The following GALNT14 variants were observed in gnomAD, a reference collection of about 807,000 sequenced individuals.
The protein encoded by GALNT14 is UDP-GalNAc:polypeptide N-acetylgalactosaminyltransferase 14.
A neutral mutation model predicts 77.5 loss-of-function variants in GALNT14; 60 were observed. The ratio of observed to expected loss-of-function variants is 0.77; its 90% CI spans 0.63 to 0.96. The LOEUF (loss-of-function observed/expected upper bound fraction) is 0.96, where lower values mean the gene tolerates loss of function less well. GALNT14 is among the 40% of genes least tolerant of loss of function. GALNT14 has a pLI of 0.00. For missense variants in GALNT14, 710 were observed against 731.0 expected, an observed-to-expected ratio of 0.97 and a Z score of 0.33; for synonymous variants, 280 against 281.7, an observed-to-expected ratio of 0.99 and a Z score of 0.06.
intron 2 of GALNT14, among the ~76,000 whole-genome samples, chr2:30,986,080 G>T (rs1330437957): frequency 6.6e-6 from 1 of 152,204 alleles, no homozygotes; most frequent in Non-Finnish European, 1.5e-5. Context: ...AGGAAAAGGA[G>T]CCAAGGAAAA....
chr2:31,005,266 G>T (rs537773436), intron 1 of GALNT14, among the ~76,000 whole-genome samples: 1 of 152,322 alleles, frequency 6.6e-6, no homozygotes, highest in African/African-American at 2.4e-5. Context: ...CTTCTGTGTT[G>T]TGTGTGTGGG....
chr2:30,904,625 G>T, the GALNT14 span, among the ~76,000 whole-genome samples: 1 of 152,246 alleles, frequency 6.6e-6, no homozygotes, highest in Non-Finnish European at 1.5e-5. Context: ...GCAGCAGCGA[G>T]GCTGGGGGAG....
downstream of GALNT14, among the ~76,000 whole-genome samples, chr2:30,906,657 G>A (rs1664150697): frequency 6.6e-6 from 1 of 151,832 alleles, no homozygotes; most frequent in Non-Finnish European, 1.5e-5. Flanking sequence ...CAACGAGACA[G>A]AAAGTCAACA....
intron 2 of GALNT14, among the ~76,000 whole-genome samples, chr2:30,970,300 AT>A (rs1668270142): frequency 6.6e-6 from 1 of 152,150 alleles, no homozygotes; most frequent in South Asian, 2.1e-4. Context: ...TGATGCCTGC[AT>A]TTGAGTCTGG....
intron 1 of GALNT14, among the ~76,000 whole-genome samples, chr2:31,029,281 T>C (rs1376847302): frequency 1.3e-5 from 2 of 152,122 alleles, no homozygotes; most frequent in East Asian, 3.9e-4. Context: ...TCAGGAATAG[T>C]CAGCCAGCCT....
chr2:31,122,375 CA>C (rs1256298849), intron 1 of GALNT14, among the ~76,000 whole-genome samples: 2 of 152,248 alleles, frequency 1.3e-5, no homozygotes, highest in Admixed American at 1.3e-4. Context: ...CCCATCCCCA[CA>C]TGGGGGAATG....
chr2:31,091,376 G>C (rs1358968836), intron 1 of GALNT14, among the ~76,000 whole-genome samples: 2 of 152,214 alleles, frequency 1.3e-5, no homozygotes, highest in Non-Finnish European at 2.9e-5. Flanking sequence ...TGCCACACCA[G>C]GAGAGCTGAG....
chr2:31,065,986 C>G (rs1323112313), intron 1 of GALNT14, among the ~76,000 whole-genome samples: 1 of 152,174 alleles, frequency 6.6e-6, no homozygotes, highest in African/African-American at 2.4e-5. Flanking sequence ...AATCCCCGCC[C>G]CACCCTCTTC....
intron 1 of GALNT14, among the ~76,000 whole-genome samples, chr2:31,049,312 T>C (rs6753030): frequency 0.75 from 113,512 of 152,090 alleles, 42,629 homozygotes; most frequent in East Asian, 0.99. Context: ...GGAATGATTT[T>C]TGCTCAAGAC....
Position 31,078,168 on chromosome 2 carries a change from G to A in GALNT14, c.129+59790C>T, listed in dbSNP as rs546941534. Among the ~76,000 whole-genome samples, 307 of 152,248 alleles carry A rather than the reference G, an allele frequency of 2.0e-3. 4 individuals are homozygous for A. The highest frequency in any genetic ancestry group is 6.2e-3 in the African/African-American group (257 of 41,536). ...AAAGGAGCAGGCTGGAAAATAGCCC[G>A]GGACCAATTATGTTCATTAGTCAAT... On this transcript the variant is annotated intron_variant, in intron 1 of 14. Transcript: ENST00000349752.
At chr2:30,978,134 G>A (rs1668751010) in intron 2 of GALNT14, among the ~76,000 whole-genome samples, 1 of 152,132 alleles carries the variant, frequency 6.6e-6, no homozygotes, top group African/African-American at 2.4e-5. Context: ...GAGCCTTCTG[G>A]CCCTGCTAAA....
At chr2:31,006,399 A>C (rs915058078) in intron 1 of GALNT14, among the ~76,000 whole-genome samples, 1 of 152,118 alleles carries the variant, frequency 6.6e-6, no homozygotes, top group Non-Finnish European at 1.5e-5. Context: ...TATCCTAAGA[A>C]TGTCCCTCGT....
At chr2:30,892,127 G>A in the GALNT14 span, among the ~76,000 whole-genome samples, 6 of 152,286 alleles carry the variant, frequency 3.9e-5, no homozygotes, top group South Asian at 1.0e-3. Flanking sequence ...ATTTGCAGTT[G>A]TTTTAGTGTC....
chr2:31,006,030 C>A (rs1279560170), intron 1 of GALNT14, among the ~76,000 whole-genome samples: 1 of 152,154 alleles, frequency 6.6e-6, no homozygotes, highest in Non-Finnish European at 1.5e-5. Flanking sequence ...TCCGAGGAAC[C>A]TGGACTTCAG....
intron 1 of GALNT14, among the ~76,000 whole-genome samples, chr2:31,137,221 C>T (rs532820049): frequency 6.6e-6 from 1 of 152,336 alleles, no homozygotes; most frequent in African/African-American, 2.4e-5. Context: ...TTTCCCTTTC[C>T]CCCTACAGGG....
chr2:30,932,301 A>C (rs1572988452), intron 9 of GALNT14, 107 bp from the exon 10 acceptor site: 1 of 1,089,510 alleles, frequency 9.2e-7, no homozygotes. Context: ...GAAAGAACAG[A>C]CTCTGCAGCC....
chr2:30,950,530 C>A (rs891946584), intron 6 of GALNT14, among the ~76,000 whole-genome samples: 1 of 152,170 alleles, frequency 6.6e-6, no homozygotes, highest in African/African-American at 2.4e-5. Flanking sequence ...TACAAAGACA[C>A]CAGGAAACAC....
chr2:31,007,219 G>A (rs950028084), intron 1 of GALNT14, among the ~76,000 whole-genome samples: 6 of 152,158 alleles, frequency 3.9e-5, no homozygotes, highest in African/African-American at 1.2e-4. Context: ...TGCTACAGGC[G>A]ACGTGGCAAG....
At chr2:31,108,927 A>G (rs1383860082) in intron 1 of GALNT14, among the ~76,000 whole-genome samples, 2 of 152,254 alleles carry the variant, frequency 1.3e-5, no homozygotes, top group Non-Finnish European at 2.9e-5. Context: ...AAGTTCTGCC[A>G]TTAACCAGCT....
Sources: gnomAD v4.1 joint callset for allele counts (sites outside exome capture counted in the v4.1 genomes callset) on GRCh38, gnomAD v4.1.1 for gene constraint, MANE v1.5 for transcripts, NCBI Gene and HGNC (gene_info 2026-07-23, HGNC 2026-07-21) for gene names.